The following RELL1 variants were observed in gnomAD, a reference collection of about 807,000 sequenced individuals.
RELL1 encodes the protein RELT-like protein 1.
In RELL1, 10 loss-of-function variants were observed where a neutral mutation model predicts 23.0. That is an observed-to-expected ratio of 0.43 (90% CI 0.27 to 0.74). RELL1 has a LOEUF of 0.74. RELL1 is among the 30% of genes least tolerant of loss of function. The pLI is 0.19. For missense variants in RELL1, 315 were observed against 364.4 expected (o/e 0.86, Z 1.10); for synonymous variants, 146 against 146.8 (o/e 0.99, Z 0.04).
intron 3 of RELL1, among the ~76,000 whole-genome samples, chr4:37,640,789 C>A (rs1310540297): frequency 6.6e-6 from 1 of 151,902 alleles, no homozygotes; most frequent in South Asian, 2.1e-4. Context: ...TTGGTTAAAT[C>A]CATAGGTGCA....
chr4:37,651,280 A>G (rs1427579199), intron 1 of RELL1, among the ~76,000 whole-genome samples: 8 of 152,170 alleles, frequency 5.3e-5, no homozygotes, highest in Non-Finnish European at 8.8e-5. Flanking sequence ...GTAGCAAAAG[A>G]ATCAGCAGAG....
intron 2 of RELL1, among the ~76,000 whole-genome samples, chr4:37,647,669 C>A (rs1429737867): frequency 1.3e-5 from 2 of 152,152 alleles, no homozygotes; most frequent in African/African-American, 2.4e-5. Flanking sequence ...TTCAAATACT[C>A]ACTTTCCAAG....
chr4:37,639,025 GAGA>G (rs1417800534), intron 3 of RELL1, among the ~76,000 whole-genome samples: 1 of 152,180 alleles, frequency 6.6e-6, no homozygotes, highest in Admixed American at 6.5e-5. Flanking sequence ...TCAGGGATGA[GAGA>G]AGGTTAATTT....
intron 6 of RELL1, among the ~76,000 whole-genome samples, chr4:37,629,829 C>T (rs1447226074): frequency 1.3e-5 from 2 of 152,184 alleles, no homozygotes; most frequent in African/African-American, 4.8e-5. Flanking sequence ...ATCTCTCCTC[C>T]ACTCAGCCAC....
intron 6 of RELL1, among the ~76,000 whole-genome samples, chr4:37,626,902 GAC>G (rs1312420687): frequency 2.0e-5 from 3 of 152,034 alleles, no homozygotes; most frequent in South Asian, 2.1e-4. Flanking sequence ...TTGGTCAAAA[GAC>G]ACAAAATTTT....
At chr4:37,614,424 T>A (rs545140094) in intron 6 of RELL1, among the ~76,000 whole-genome samples, 6 of 152,252 alleles carry the variant, frequency 3.9e-5, no homozygotes, top group Admixed American at 6.5e-5. Context: ...GTAAAGGACC[T>A]TTATCCCCTT....
At chr4:37,594,675 G>A (rs1718767692) in intron 6 of RELL1, among the ~76,000 whole-genome samples, 1 of 152,148 alleles carries the variant, frequency 6.6e-6, no homozygotes, top group South Asian at 2.1e-4. Context: ...AAAAAACGAA[G>A]AGAATTTTAG....
intron 6 of RELL1, among the ~76,000 whole-genome samples, chr4:37,592,549 T>C (rs1386800163): frequency 6.6e-6 from 1 of 152,100 alleles, no homozygotes; most frequent in Non-Finnish European, 1.5e-5. Flanking sequence ...GGACAACCAT[T>C]CTAACGTAAC....
chr4:37,590,915 T>C, exon 7 of RELL1: 1 of 1,614,118 alleles, frequency 6.2e-7, no homozygotes, highest in Non-Finnish European at 8.5e-7. Context: ...GATGGGGAGA[T>C]TGTGGACGAG....
chr4:37,638,645 C>A, intron 3 of RELL1, 141 bp from the exon 4 acceptor site: 1 of 638,910 alleles, frequency 1.6e-6, no homozygotes, highest in African/African-American at 1.8e-5. Context: ...AAAGGAGGGT[C>A]TCCCCCAACA....
At chr4:37,671,513 T>C (rs779238393) in intron 1 of RELL1, among the ~76,000 whole-genome samples, 14 of 152,180 alleles carry the variant, frequency 9.2e-5, no homozygotes, top group Non-Finnish European at 1.3e-4. Flanking sequence ...CTATAATACA[T>C]TGGCATGCTA....
intron 6 of RELL1, among the ~76,000 whole-genome samples, chr4:37,598,252 C>CA (rs56142508): frequency 0.14 from 1,563 of 11,286 alleles, 569 homozygotes; most frequent in Non-Finnish European, 0.22. Context: ...AACTCTGTCT[C>CA]AAAAAAAAAA....
chr4:37,624,933 A>G (rs1013506107), intron 6 of RELL1, among the ~76,000 whole-genome samples: 5 of 152,236 alleles, frequency 3.3e-5, no homozygotes, highest in African/African-American at 1.2e-4. Flanking sequence ...AGCCATGACA[A>G]TTGTTAACAG....
At chr4:37,656,629 C>T (rs1019849669) in intron 1 of RELL1, among the ~76,000 whole-genome samples, 1 of 152,206 alleles carries the variant, frequency 6.6e-6, no homozygotes, top group African/African-American at 2.4e-5. Flanking sequence ...GTAGTGGGAC[C>T]TTTAAGAAGT....
intron 1 of RELL1, among the ~76,000 whole-genome samples, chr4:37,677,102 T>A (rs1250825218): frequency 1.3e-5 from 2 of 152,322 alleles, no homozygotes; most frequent in East Asian, 3.9e-4. Context: ...TGACTAAGAA[T>A]AACACAATTA....
chr4:37,655,795 G>C (rs1721096259), intron 1 of RELL1, among the ~76,000 whole-genome samples: 1 of 152,226 alleles, frequency 6.6e-6, no homozygotes, highest in African/African-American at 2.4e-5. Flanking sequence ...CAGAAGCTGA[G>C]GAAGAACAGC....
At chr4:37,669,072 G>T (rs1358260174) in intron 1 of RELL1, among the ~76,000 whole-genome samples, 6 of 116,076 alleles carry the variant, frequency 5.2e-5, no homozygotes, top group Admixed American at 8.2e-5. Flanking sequence ...TCAGCCCCCC[G>T]CCTGGCCAGC....
rs530287952 is a variant in RELL1 at position 37,612,601 on chromosome 4, C to T, written c.*745G>A. Among the ~76,000 whole-genome samples the T allele has an allele frequency of 1.3e-3, 195 of 146,278 alleles. 2 individuals carry two copies. The highest frequency in any genetic ancestry group is 2.4e-3 in the Admixed American group (35 of 14,566). Reference sequence around the variant, plus strand: ...GAGGTGAGTGGAGATTGTGCCACTGCACTCCAGCCTAGGGGACACAGCGAG... The same window carrying T: ...GAGGTGAGTGGAGATTGTGCCACTGTACTCCAGCCTAGGGGACACAGCGAG... On this transcript the variant is annotated 3_prime_UTR_variant, in exon 7 of 7. Transcript: ENST00000454158.
At chr4:37,602,929 C>T (rs1719053383) in intron 6 of RELL1, among the ~76,000 whole-genome samples, 1 of 152,142 alleles carries the variant, frequency 6.6e-6, no homozygotes, top group Non-Finnish European at 1.5e-5. Flanking sequence ...GACACAAGCT[C>T]CCAGGTGAGA....
Sources: allele counts gnomAD v4.1 joint callset (sites outside exome capture counted in the v4.1 genomes callset), GRCh38; gene constraint gnomAD v4.1.1; transcripts MANE v1.5; gene names NCBI Gene and HGNC (gene_info 2026-07-23, HGNC 2026-07-21).